Variants in SMIM36 observed in about 807,000 individuals in gnomAD.
SMIM36 encodes the protein small integral membrane protein 36.
chr17:55,500,373 C>A (rs895114616), intron 1 of SMIM36, among the ~76,000 whole-genome samples: 1 of 152,076 alleles, frequency 6.6e-6, no homozygotes, highest in Non-Finnish European at 1.5e-5. Flanking sequence ...GATCCTCTTG[C>A]CTCAGCTTCC....
chr17:55,494,881 G>A (rs1329693929), intron 1 of SMIM36, among the ~76,000 whole-genome samples: 1 of 152,184 alleles, frequency 6.6e-6, no homozygotes, highest in Non-Finnish European at 1.5e-5. Context: ...GCATTTGAAA[G>A]CCACTGGTTT....
chr17:55,494,671 A>T (rs143906073), intron 1 of SMIM36, among the ~76,000 whole-genome samples: 16 of 152,262 alleles, frequency 1.1e-4, no homozygotes, highest in Admixed American at 5.2e-4. Context: ...ACTTTTGTAT[A>T]TTTTGTTTGA....
intron 4 of SMIM36, among the ~76,000 whole-genome samples, chr17:55,465,686 C>T (rs989321386): frequency 5.3e-5 from 8 of 152,014 alleles, no homozygotes; most frequent in African/African-American, 1.9e-4. Context: ...GATTTCCAGA[C>T]CACAGTGAAT....
chr17:55,511,313 C>A lies in SMIM36; in HGVS notation c.22G>T (p.Asp8Tyr), dbSNP rs529556834. ...ATGATCAGGTTCAAGGTAACAGGGT[C>A]GATCTCCAAGTAGAATTCCATCACT... The change falls in exon 1 of 5, where the codon GAC becomes TAC. Residue 8 changes from aspartate to tyrosine, a missense_variant. Asp to Tyr is a radical substitution (Grantham distance 160). Coordinates refer to ENST00000636752, the Ensembl canonical transcript of SMIM36. 13 of 398,390 alleles carry A rather than the reference C, an allele frequency of 3.3e-5. No homozygotes were observed. In the South Asian group the frequency reaches 3.9e-4, roughly 12 times the overall value. The allele number at this position is 398,390 out of a possible 1,614,324, so 24.7% of individuals were successfully genotyped here.
At chr17:55,523,022 T>C in the SMIM36 span, among the ~76,000 whole-genome samples, 1 of 152,096 alleles carries the variant, frequency 6.6e-6, no homozygotes, top group African/African-American at 2.4e-5. Context: ...TAGAGAAATA[T>C]TATAATGAGG....
At chr17:55,480,983 C>A (rs964562561) in intron 1 of SMIM36, among the ~76,000 whole-genome samples, 8 of 152,094 alleles carry the variant, frequency 5.3e-5, no homozygotes, top group African/African-American at 1.9e-4. Flanking sequence ...TAGTAAAAAA[C>A]TAGAAGGGAA....
At chr17:55,460,992 G>A (rs148084466) in intron 4 of SMIM36, among the ~76,000 whole-genome samples, 2,436 of 152,304 alleles carry the variant, frequency 0.016, 24 homozygotes, top group Non-Finnish European at 0.026. Context: ...ATTTGTACTT[G>A]TGTAGAGAAT....
At chr17:55,492,738 A>G (rs73990417) in intron 1 of SMIM36, among the ~76,000 whole-genome samples, 7,480 of 152,288 alleles carry the variant, frequency 0.049, 274 homozygotes, top group African/African-American at 0.096. Context: ...TTAAGGAAAT[A>G]AAAGGCAATG....
At chr17:55,489,610 T>TC (rs1298043150) in intron 1 of SMIM36, among the ~76,000 whole-genome samples, 3 of 152,158 alleles carry the variant, frequency 2.0e-5, no homozygotes, top group African/African-American at 2.4e-5. Context: ...TCCTCTGCAA[T>TC]CCGGATTTTT....
chr17:55,461,326 C>A (rs111662965), intron 4 of SMIM36, among the ~76,000 whole-genome samples: 1 of 152,148 alleles, frequency 6.6e-6, no homozygotes, highest in Non-Finnish European at 1.5e-5. Context: ...AAATGATTAT[C>A]CATGCAACAA....
chr17:55,465,059 T>A (rs1334223971), intron 4 of SMIM36, among the ~76,000 whole-genome samples: 17 of 152,230 alleles, frequency 1.1e-4, no homozygotes, highest in Admixed American at 1.1e-3. Context: ...TCGGACTACA[T>A]GAATAGAAGT....
At chr17:55,476,677 C>T (rs978019973) in intron 3 of SMIM36, among the ~76,000 whole-genome samples, 1 of 152,090 alleles carries the variant, frequency 6.6e-6, no homozygotes, top group Admixed American at 6.6e-5. Context: ...AAATAATTCT[C>T]CCACCTCAGC....
chr17:55,483,138 G>A (rs925871727), intron 1 of SMIM36, among the ~76,000 whole-genome samples: 4 of 152,212 alleles, frequency 2.6e-5, no homozygotes, highest in Admixed American at 1.3e-4. Context: ...TACATAGGAA[G>A]CAGCAGAACC....
chr17:55,512,729 C>A (rs922160844), upstream of SMIM36, among the ~76,000 whole-genome samples: 1 of 152,212 alleles, frequency 6.6e-6, no homozygotes, highest in Non-Finnish European at 1.5e-5. Context: ...GCACTGGGAC[C>A]CACAAATTAC....
intron 3 of SMIM36, among the ~76,000 whole-genome samples, chr17:55,473,822 T>C (rs1414418080): frequency 6.6e-6 from 1 of 152,154 alleles, no homozygotes; most frequent in Non-Finnish European, 1.5e-5. Context: ...TATTGTCTTA[T>C]GCCCAATTTC....
chr17:55,509,757 A>G (rs1448163699), intron 1 of SMIM36, among the ~76,000 whole-genome samples: 1 of 152,194 alleles, frequency 6.6e-6, no homozygotes, highest in African/African-American at 2.4e-5. Flanking sequence ...AGGGAGGGTT[A>G]ATAAAAATAC....
chr17:55,499,131 G>T (rs570521825), intron 1 of SMIM36, among the ~76,000 whole-genome samples: 1 of 152,146 alleles, frequency 6.6e-6, no homozygotes, highest in South Asian at 2.1e-4. Flanking sequence ...ACTCTGTCCT[G>T]GTGTCTTTTG....
At chr17:55,493,827 A>G (rs1181405522) in intron 1 of SMIM36, among the ~76,000 whole-genome samples, 1 of 147,262 alleles carries the variant, frequency 6.8e-6, no homozygotes, top group Non-Finnish European at 1.5e-5. Flanking sequence ...AAAAAAAAAA[A>G]AAAAAAAGCA....
the SMIM36 span, among the ~76,000 whole-genome samples, chr17:55,517,544 CA>C: frequency 6.6e-6 from 1 of 152,196 alleles, no homozygotes; most frequent in East Asian, 1.9e-4. Flanking sequence ...GCCTGGGCGA[CA>C]GAGTGAGACT....
Sources: gnomAD v4.1 joint callset for allele counts (sites outside exome capture counted in the v4.1 genomes callset) on GRCh38, gnomAD v4.1.1 for gene constraint, MANE v1.5 for transcripts, NCBI Gene and HGNC (gene_info 2026-07-23, HGNC 2026-07-21) for gene names.